CACNA1B: variants seen among roughly 807,000 people sequenced by gnomAD.
The protein encoded by CACNA1B is voltage-dependent N-type calcium channel subunit alpha-1B.
A neutral mutation model predicts 247.2 loss-of-function variants in CACNA1B; 70 were observed. The observed-to-expected ratio is 0.28, with a 90% CI of 0.23 to 0.35. The LOEUF is 0.35. Among genes scored for constraint, CACNA1B ranks in the 10% least tolerant of loss-of-function variants. The pLI is 1.00. For missense variants in CACNA1B, 2,367 were observed against 3,197.4 expected (o/e 0.74, Z 6.26); for synonymous variants, 1,231 against 1,294.4 (o/e 0.95, Z 1.05).
In CACNA1B at chr9:138,121,711, C is replaced by T. The variant is rs750488692; in HGVS notation, c.6732C>T (p.Leu2244=). Residue 2244 remains leucine, a synonymous_variant, in exon 47 of 47, where the codon CTC becomes CTT. Coordinates refer to ENST00000371372, the MANE Select transcript of CACNA1B (RefSeq NM_000718.4). This position sits in a 1 kb window ranked among gnomAD's most constrained non-coding sequence, Gnocchi z 6.8. ...EHNALLQRDP[L]SQPLAPGSRI... ...ACGCCCTGCTGCAGAGAGACCCCCT[C>T]AGCCAGCCCCTGGCCCCTGGCTCTC... 1.2e-5 allele frequency: 20 copies of T among 1,613,280 alleles called. No homozygotes were observed. The highest frequency in any genetic ancestry group is 8.3e-5 in the Admixed American group (5 of 60,010).
chr9:138,034,422 G>C (rs1347305876), intron 20 of CACNA1B, among the ~76,000 whole-genome samples: 3 of 151,486 alleles, frequency 2.0e-5, no homozygotes, highest in African/African-American at 7.3e-5. Context: ...CCCAGTTTCT[G>C]CTGGTATAAG....
intron 18 of CACNA1B, chr9:138,017,198 C>T (rs1958803632): frequency 1.9e-6 from 1 of 518,966 alleles, no homozygotes; most frequent in Admixed American, 1.9e-5. Flanking sequence ...AGCGTGAACT[C>T]ACCGTGAGTC....
chr9:138,101,867 C>G (rs1961263087), intron 37 of CACNA1B, among the ~76,000 whole-genome samples: 1 of 152,230 alleles, frequency 6.6e-6, no homozygotes, highest in Non-Finnish European at 1.5e-5. Flanking sequence ...AGGCAGGTGT[C>G]CCAGGGTTGG....
intron 6 of CACNA1B, among the ~76,000 whole-genome samples, chr9:137,931,405 G>T (rs1000170781): frequency 5.3e-5 from 8 of 152,086 alleles, no homozygotes; most frequent in African/African-American, 1.7e-4. Context: ...TTTTTCGTCT[G>T]CGATACAGTG....
chr9:137,899,978 C>T lies in CACNA1B; in HGVS notation c.531-13202C>T, dbSNP rs577825045. ...GGGGCTGGCCAGCGTGGGCCAGATG[C>T]ATGGGGACAAGGGAGCATCCATAGT... On this transcript the variant is annotated intron_variant, in intron 3 of 46. Coordinates refer to ENST00000371372, the MANE Select transcript of CACNA1B (RefSeq NM_000718.4). This position sits in a 1 kb window ranked among gnomAD's most constrained non-coding sequence, Gnocchi z 5.0. 1.3e-5 allele frequency among the ~76,000 whole-genome samples: 2 copies of T among 152,280 alleles called. No individual in the cohort carries two copies. The highest frequency in any genetic ancestry group is 4.1e-4 in the South Asian group (2 of 4,826).
At chr9:138,048,843 A>T (rs1407002883) in intron 23 of CACNA1B, among the ~76,000 whole-genome samples, 1 of 152,056 alleles carries the variant, frequency 6.6e-6, no homozygotes, top group Non-Finnish European at 1.5e-5. Flanking sequence ...TCAGCCTCTC[A>T]AGTAACTGGG....
chr9:138,053,541 G>T (rs893316092), intron 25 of CACNA1B, among the ~76,000 whole-genome samples: 1 of 151,976 alleles, frequency 6.6e-6, no homozygotes, highest in East Asian at 1.9e-4. Context: ...TCCTGCTTCC[G>T]GCCCCTCCCT....
At chr9:137,948,579 G>C (rs1444259552) in intron 6 of CACNA1B, among the ~76,000 whole-genome samples, 1 of 150,770 alleles carries the variant, frequency 6.6e-6, no homozygotes, top group Non-Finnish European at 1.5e-5. Flanking sequence ...AATCAATTCA[G>C]AATTTCATTT....
Position 138,023,277 on chromosome 9 carries a change from T to C in CACNA1B, c.2534T>C (p.Val845Ala). The C allele has an allele frequency of 6.6e-7, 1 of 1,515,124 alleles. No homozygotes were observed. Among genetic ancestry groups the C allele is most frequent in the Non-Finnish European group, 8.8e-7 (1 of 1,139,902 alleles). The allele number at this position is 1,515,124 out of a possible 1,614,324, so 93.9% of individuals were successfully genotyped here. A position where few individuals can be genotyped will look rare whatever the true frequency, so the allele number is the denominator to read the frequency against. ...GAGGCTGCGGAGGCCCCCGAGGGCGTCGACCCTCCGCGCAGGCACCACCGG... is the reference window on the plus strand; with the variant it reads ...GAGGCTGCGGAGGCCCCCGAGGGCGCCGACCCTCCGCGCAGGCACCACCGG... ...RPEAAEAPEG[V>A]DPPRRHHRHR... The change falls in exon 19 of 47, where the codon GTC becomes GCC. Residue 845 changes from valine (V) to alanine (A), a missense_variant. Transcript: ENST00000371372.
chr9:137,927,101 G>A (rs772695078), intron 6 of CACNA1B, among the ~76,000 whole-genome samples: 12 of 152,038 alleles, frequency 7.9e-5, no homozygotes, highest in East Asian at 3.9e-4. Flanking sequence ...CCAAGAAGTC[G>A]CTGTCAAATC....
intron 6 of CACNA1B, among the ~76,000 whole-genome samples, chr9:137,947,971 A>G (rs943880910): frequency 8.3e-6 from 1 of 120,958 alleles, no homozygotes; most frequent in Non-Finnish European, 1.7e-5. Flanking sequence ...AGTTTTCAGC[A>G]TTCCTTTTTT....
At position 137,881,810 on chromosome 9, in the gene CACNA1B, A is replaced by G. The variant is rs1390613593; in HGVS notation, c.391-934A>G. 1.3e-5 allele frequency among the ~76,000 whole-genome samples: 2 copies of G among 152,268 alleles called. No homozygotes were observed. Among genetic ancestry groups the G allele is most frequent in the South Asian group, 2.1e-4 (1 of 4,818 alleles). ...GGCCTGGCTCTGCTCTCTCATGTCCAGTAACTGTTGGCTGGAGCTCAGCCT... is the reference window on the plus strand; with the variant it reads ...GGCCTGGCTCTGCTCTCTCATGTCCGGTAACTGTTGGCTGGAGCTCAGCCT... On this transcript the variant is annotated intron_variant, in intron 2 of 46. Transcript: ENST00000371372. The surrounding 1 kb of genome is among the most constrained non-coding windows in gnomAD (Gnocchi z 4.3).
intron 6 of CACNA1B, among the ~76,000 whole-genome samples, chr9:137,921,875 C>CTGGGCCAGATGTTGCTGGAGGTCA: frequency 6.8e-6 from 1 of 146,332 alleles, no homozygotes; most frequent in Non-Finnish European, 1.5e-5. Context: ...ACATGATCAG[C>CTGGGCCAGATGTTGCTGGAGGTCA]ACTGCAGCCG....
chr9:138,017,327 G>A (rs890016495), intron 18 of CACNA1B: 3 of 442,938 alleles, frequency 6.8e-6, no homozygotes, highest in Non-Finnish European at 1.4e-5. Flanking sequence ...CTCCAGGCCG[G>A]GCTTCTGTGG....
chr9:138,042,774 A>C (rs1959141330), intron 20 of CACNA1B, among the ~76,000 whole-genome samples: 1 of 152,126 alleles, frequency 6.6e-6, no homozygotes, highest in Non-Finnish European at 1.5e-5. Flanking sequence ...CTCACCTCGA[A>C]GCTTTTTTTC....
Position 138,052,297 on chromosome 9 carries a change from A to T in CACNA1B, c.3807+109A>T, listed in dbSNP as rs1238936209. 3 of 654,380 alleles carry T rather than the reference A, an allele frequency of 4.6e-6. No homozygotes were observed. The highest frequency in any genetic ancestry group is 8.2e-6 in the Non-Finnish European group (3 of 366,820). The allele number at this position is 654,380 out of a possible 1,614,324, so 40.5% of individuals were successfully genotyped here. A position where few individuals can be genotyped will look rare whatever the true frequency, so the allele number is the denominator to read the frequency against. The stretch of plus-strand genomic sequence containing the variant: ...AGTGCATGAGTGTGTGTGTGTTCAC[A>T]TCACACCCCTGTGTGAGGGGGTTGG... On this transcript the variant is annotated intron_variant, in intron 25 of 46. Coordinates refer to ENST00000371372, the MANE Select transcript of CACNA1B (RefSeq NM_000718.4). The surrounding 1 kb of genome is among the most constrained non-coding windows in gnomAD (Gnocchi z 5.1).
Position 138,022,995 on chromosome 9 carries a change from G to T in CACNA1B, c.2268-16G>T. Reference sequence around the variant, plus strand: ...GGCGGCAGACGGGGCCGCGCTCACCGCCAGTCTCCCCGCAGCAGGCAGCAG... The same window carrying T: ...GGCGGCAGACGGGGCCGCGCTCACCTCCAGTCTCCCCGCAGCAGGCAGCAG... On this transcript the variant is annotated splice_polypyrimidine_tract_variant and intron_variant, in intron 18 of 46. Transcript: ENST00000371372. 1.4e-6 allele frequency: 2 copies of T among 1,481,464 alleles called. No individual in the cohort carries two copies. The highest frequency in any genetic ancestry group is 2.6e-5 in the South Asian group (2 of 75,834). The allele number at this position is 1,481,464 out of a possible 1,614,324, so 91.8% of individuals were successfully genotyped here. A position where few individuals can be genotyped will look rare whatever the true frequency, so the allele number is the denominator to read the frequency against.
Position 137,971,233 on chromosome 9 carries a change from G to C in CACNA1B, c.1334-150G>C, listed in dbSNP as rs1484507928. The C allele has an allele frequency of 3.2e-6, 2 of 634,720 alleles. No individual in the cohort carries two copies. The highest frequency in any genetic ancestry group is 3.6e-5 in the African/African-American group (2 of 54,984). The allele number at this position is 634,720 out of a possible 1,614,324, so 39.3% of individuals were successfully genotyped here. On this transcript the variant is annotated intron_variant, in intron 10 of 46. Coordinates refer to ENST00000371372, the MANE Select transcript of CACNA1B (RefSeq NM_000718.4). The surrounding 1 kb of genome is among the most constrained non-coding windows in gnomAD (Gnocchi z 4.4). ...GGGCCTTGGTTCCCTCAGCTGTGAA[G>C]TGGAGGTCACAGGGGTCACTGGCAC...
intron 10 of CACNA1B, among the ~76,000 whole-genome samples, chr9:137,964,455 A>T (rs1958053461): frequency 6.6e-6 from 1 of 152,002 alleles, no homozygotes; most frequent in Admixed American, 6.6e-5. Flanking sequence ...TCCAGCTCTG[A>T]GATTCTTTCC....
Sources: gnomAD v4.1 joint callset for allele counts (sites outside exome capture counted in the v4.1 genomes callset) on GRCh38, gnomAD v4.1.1 for gene constraint, Gnocchi (gnomAD v3.1) non-coding constraint, MANE v1.5 for transcripts, NCBI Gene and HGNC (gene_info 2026-07-23, HGNC 2026-07-21) for gene names.